GLT1D1: variants seen among roughly 807,000 people sequenced by gnomAD.
GLT1D1 encodes the protein glycosyltransferase 1 domain-containing protein 1.
A neutral mutation model predicts 28.7 loss-of-function variants in GLT1D1; 21 were observed. The observed-to-expected ratio is 0.73, with a 90% CI of 0.52 to 1.05. The LOEUF (loss-of-function observed/expected upper bound fraction) is 1.05, where lower values mean the gene tolerates loss of function less well. Among genes scored for constraint, GLT1D1 ranks in the 50% least tolerant of loss-of-function variants. The pLI is 0.00. For missense variants in GLT1D1, 343 were observed against 330.6 expected, an observed-to-expected ratio of 1.04 and a Z score of -0.29; for synonymous variants, 147 against 124.8, an observed-to-expected ratio of 1.18 and a Z score of -1.19.
chr12:128,928,017 A>AAAC (rs1566141147), intron 4 of GLT1D1, among the ~76,000 whole-genome samples: 6 of 142,084 alleles, frequency 4.2e-5, no homozygotes, highest in Non-Finnish European at 9.2e-5. Context: ...AAAAAAAAAA[A>AAAC]AAAAAAAACA....
At chr12:128,950,209 G>A (rs1449137406) in intron 6 of GLT1D1, among the ~76,000 whole-genome samples, 3 of 152,154 alleles carry the variant, frequency 2.0e-5, no homozygotes, top group East Asian at 1.9e-4. Flanking sequence ...GAGGTGGGGT[G>A]CCGGTTCAAG....
intron 7 of GLT1D1, among the ~76,000 whole-genome samples, chr12:128,975,443 T>C (rs1879677896): frequency 9.3e-6 from 1 of 107,294 alleles, no homozygotes; most frequent in African/African-American, 3.6e-5. Flanking sequence ...CCATAGCTGT[T>C]TTTTTGTTTT....
At chr12:128,867,397 CAAAAAAAA>C (rs1158997935) in intron 1 of GLT1D1, among the ~76,000 whole-genome samples, 1 of 59,304 alleles carries the variant, frequency 1.7e-5, no homozygotes, top group Non-Finnish European at 3.2e-5. Flanking sequence ...AACTCCTTCT[CAAAAAAAA>C]AAAAAAAAAA....
At chr12:128,921,113 C>A (rs1872621357) in intron 4 of GLT1D1, among the ~76,000 whole-genome samples, 1 of 152,000 alleles carries the variant, frequency 6.6e-6, no homozygotes, top group Non-Finnish European at 1.5e-5. Context: ...CCTCTATAAT[C>A]TTTATTTTTG....
At chr12:128,882,185 TA>T (rs1459004039) in intron 2 of GLT1D1, among the ~76,000 whole-genome samples, 2 of 151,852 alleles carry the variant, frequency 1.3e-5, no homozygotes, top group Non-Finnish European at 2.9e-5. Context: ...AATAATTATA[TA>T]AAATAGCTAA....
Position 128,967,684 on chromosome 12 carries a change from C to T in GLT1D1, c.639+10041C>T, listed in dbSNP as rs372334847. Among the ~76,000 whole-genome samples, 15 of 152,350 alleles carry T rather than the reference C, an allele frequency of 9.8e-5. No individual in the cohort carries two copies. In the East Asian group the frequency reaches 2.5e-3, roughly 25 times the overall value. On this transcript the variant is annotated intron_variant, in intron 7 of 7. Transcript: ENST00000281703. The stretch of plus-strand genomic sequence containing the variant: ...AGCACTGAGAACCCAGGGAGAAATT[C>T]CCGTCTCACTCTTACTTCGAGTTAC...
intron 4 of GLT1D1, among the ~76,000 whole-genome samples, chr12:128,934,293 C>A (rs1404236759): frequency 6.6e-6 from 1 of 151,284 alleles, no homozygotes; most frequent in Non-Finnish European, 1.5e-5. Context: ...AACCTCCACC[C>A]CCTGGGTTCA....
chr12:128,979,181 G>C (rs1880084910), intron 7 of GLT1D1, among the ~76,000 whole-genome samples: 1 of 152,226 alleles, frequency 6.6e-6, no homozygotes, highest in East Asian at 1.9e-4. Context: ...TCAAACGTTG[G>C]CAGGGGAGAA....
At chr12:128,944,904 C>T (rs550038479) in intron 4 of GLT1D1, 34 of 450,832 alleles carry the variant, frequency 7.5e-5, no homozygotes, top group Non-Finnish European at 1.2e-4. Flanking sequence ...CCCATCAACT[C>T]GTCATTTACA....
At chr12:128,965,000 A>G (rs1878317283) in intron 7 of GLT1D1, among the ~76,000 whole-genome samples, 1 of 152,210 alleles carries the variant, frequency 6.6e-6, no homozygotes, top group African/African-American at 2.4e-5. Context: ...AGATGTAAGG[A>G]GCATGGGACA....
intron 4 of GLT1D1, among the ~76,000 whole-genome samples, chr12:128,929,492 C>G (rs990711305): frequency 6.6e-6 from 1 of 152,118 alleles, no homozygotes; most frequent in Non-Finnish European, 1.5e-5. Flanking sequence ...CTGAGTGAAG[C>G]GAACTCTACA....
intron 4 of GLT1D1, among the ~76,000 whole-genome samples, chr12:128,941,906 T>TC (rs1491121458): frequency 3.7e-3 from 62 of 16,642 alleles, no homozygotes; most frequent in African/African-American, 0.019. Flanking sequence ...TCTCTCTCTC[T>TC]TTTTTTTTTT....
intron 4 of GLT1D1, among the ~76,000 whole-genome samples, chr12:128,907,400 G>C (rs2135872383): frequency 6.6e-6 from 1 of 151,734 alleles, no homozygotes; most frequent in African/African-American, 2.4e-5. Flanking sequence ...CTGCCTCCCG[G>C]GTTCACGCCA....
intron 7 of GLT1D1, among the ~76,000 whole-genome samples, chr12:128,961,459 G>C (rs566444613): frequency 6.6e-6 from 1 of 152,332 alleles, no homozygotes; most frequent in Non-Finnish European, 1.5e-5. Flanking sequence ...GGTACATATG[G>C]CCAGTGGAGT....
intron 4 of GLT1D1, among the ~76,000 whole-genome samples, chr12:128,913,760 G>A (rs1223443134): frequency 2.0e-5 from 3 of 152,214 alleles, no homozygotes; most frequent in Non-Finnish European, 4.4e-5. Context: ...AGCTGGTGCA[G>A]CAGGAAAAAC....
chr12:128,906,680 A>G (rs1283233073), intron 4 of GLT1D1, among the ~76,000 whole-genome samples: 1 of 152,018 alleles, frequency 6.6e-6, no homozygotes, highest in Non-Finnish European at 1.5e-5. Context: ...TGCAAAGGCT[A>G]AGTTTTCAGG....
chr12:128,913,175 G>A (rs1871724505), intron 4 of GLT1D1, among the ~76,000 whole-genome samples: 2 of 151,946 alleles, frequency 1.3e-5, no homozygotes, highest in African/African-American at 4.8e-5. Context: ...TGCCCCTATG[G>A]TGGCATCTGA....
chr12:128,962,795 G>A (rs1038293002), intron 7 of GLT1D1, among the ~76,000 whole-genome samples: 3 of 152,022 alleles, frequency 2.0e-5, no homozygotes, highest in South Asian at 2.1e-4. Flanking sequence ...TCTGCCTCCC[G>A]GGTTCAAGTG....
At chr12:128,918,410 C>T (rs1872322769) in intron 4 of GLT1D1, among the ~76,000 whole-genome samples, 1 of 152,094 alleles carries the variant, frequency 6.6e-6, no homozygotes, top group Admixed American at 6.6e-5. Context: ...CAGCAAACCA[C>T]CATGGCACAC....
Sources: gnomAD v4.1 joint callset for allele counts (sites outside exome capture counted in the v4.1 genomes callset) on GRCh38, gnomAD v4.1.1 for gene constraint, MANE v1.5 for transcripts, NCBI Gene and HGNC (gene_info 2026-07-23, HGNC 2026-07-21) for gene names.